Variants in MYL4 observed in about 807,000 individuals in gnomAD.
MYL4 encodes the protein atrial myosin light chain 1.
In MYL4, 16 loss-of-function variants were observed where a neutral mutation model predicts 21.6. That is an observed-to-expected ratio of 0.74 (90% CI 0.50 to 1.12). The LOEUF (loss-of-function observed/expected upper bound fraction) is 1.12, where lower values mean the gene tolerates loss of function less well. MYL4 is among the 50% of genes most tolerant of loss of function. MYL4 has a pLI of 0.00. For synonymous variants in MYL4, 82 were observed against 95.7 expected, an observed-to-expected ratio of 0.86 and a Z score of 0.83; for missense variants, 249 against 252.9, an observed-to-expected ratio of 0.98 and a Z score of 0.11.
upstream of MYL4, among the ~76,000 whole-genome samples, chr17:47,205,156 C>T (rs1302467338): frequency 6.6e-6 from 1 of 152,158 alleles, no homozygotes; most frequent in Non-Finnish European, 1.5e-5. Flanking sequence ...CTGATGTAAA[C>T]CGGTTGGTGC....
At chr17:47,191,355 C>G in the MYL4 span, among the ~76,000 whole-genome samples, 2 of 152,330 alleles carry the variant, frequency 1.3e-5, no homozygotes, top group South Asian at 4.1e-4. Flanking sequence ...AGCTATCACT[C>G]TTAAAATGTG....
chr17:47,207,648 T>C (rs760931730), upstream of MYL4, among the ~76,000 whole-genome samples: 3 of 152,204 alleles, frequency 2.0e-5, no homozygotes, highest in Non-Finnish European at 4.4e-5. Context: ...CTCTCTCAGC[T>C]TTATTCCTCT....
chr17:47,209,710 G>A (rs2149041001), intron 1 of MYL4, 153 bp downstream of exon 1: 2 of 1,140,762 alleles, frequency 1.8e-6, no homozygotes, highest in Non-Finnish European at 1.3e-6. Flanking sequence ...AGTGGAGTGG[G>A]TGTTGGGGCT....
At chr17:47,191,037 G>A in the MYL4 span, among the ~76,000 whole-genome samples, 4 of 152,236 alleles carry the variant, frequency 2.6e-5, no homozygotes, top group South Asian at 8.3e-4. Flanking sequence ...GGCCTCTTAT[G>A]AGTCAGTAGT....
chr17:47,216,897 T>A lies in MYL4; in HGVS notation c.164-3007T>A, dbSNP rs149009248. ...TTTATATAGATGGGGTTTCTCCATGTTGGTCAGGCTGGTCTCAAACTCCCA... is the reference window on the plus strand; with the variant it reads ...TTTATATAGATGGGGTTTCTCCATGATGGTCAGGCTGGTCTCAAACTCCCA... On this transcript the variant is annotated intron_variant, in intron 2 of 6. Transcript: ENST00000393450. Among the ~76,000 whole-genome samples the A allele has an allele frequency of 1.9e-3, 292 of 152,282 alleles. 1 individual carries two copies. Among genetic ancestry groups the A allele is most frequent in the African/African-American group, 5.3e-3 (219 of 41,580 alleles).
chr17:47,204,060 A>T (rs2064718642), upstream of MYL4, among the ~76,000 whole-genome samples: 1 of 152,262 alleles, frequency 6.6e-6, no homozygotes, highest in East Asian at 1.9e-4. Context: ...TTGCCCCCTT[A>T]CCTGTTTTGA....
At chr17:47,191,800 C>G in the MYL4 span, among the ~76,000 whole-genome samples, 1 of 152,210 alleles carries the variant, frequency 6.6e-6, no homozygotes, top group Admixed American at 6.5e-5. Context: ...TCACATGACA[C>G]TGTTTGCTCA....
At chr17:47,216,680 CT>C (rs762099932) in intron 2 of MYL4, among the ~76,000 whole-genome samples, 2 of 149,862 alleles carry the variant, frequency 1.3e-5, no homozygotes, top group Non-Finnish European at 3.0e-5. Context: ...ATCATGACAT[CT>C]TTTTTTTCTT....
At chr17:47,215,883 T>C (rs1455995634) in intron 2 of MYL4, among the ~76,000 whole-genome samples, 1 of 152,164 alleles carries the variant, frequency 6.6e-6, no homozygotes, top group East Asian at 1.9e-4. Context: ...CTTGAATTCC[T>C]GGTTTTAAGC....
downstream of MYL4, among the ~76,000 whole-genome samples, chr17:47,225,830 C>T (rs1018995196): frequency 6.6e-6 from 1 of 150,596 alleles, no homozygotes; most frequent in Non-Finnish European, 1.5e-5. Context: ...GCACTGGGGC[C>T]TCGTCAGGTT....
chr17:47,222,590 C>A, intron 5 of MYL4, 133 bp downstream of exon 5: 1 of 739,518 alleles, frequency 1.4e-6, no homozygotes, highest in Non-Finnish European at 2.3e-6. Context: ...GGATGTTGTT[C>A]TGTTCCATCT....
the MYL4 span, among the ~76,000 whole-genome samples, chr17:47,194,029 C>A: frequency 2.6e-5 from 4 of 152,238 alleles, no homozygotes; most frequent in Admixed American, 1.3e-4. Context: ...GGATTACAGG[C>A]GTAAGCCACC....
intron 6 of MYL4, 148 bp downstream of exon 6, chr17:47,223,205 T>C (rs925372059): frequency 1.6e-5 from 12 of 740,790 alleles, no homozygotes; most frequent in Admixed American, 8.0e-5. Flanking sequence ...CCCTGCTCAC[T>C]CACCATCTCC....
At chr17:47,213,717 C>T in intron 1 of MYL4, 82 bp from the exon 2 acceptor site, 1 of 1,436,394 alleles carries the variant, frequency 7.0e-7, no homozygotes. Flanking sequence ...TTGGAAGCCA[C>T]TTCTGCTTCT....
At chr17:47,212,277 TCTC>T (rs1213846221) in intron 1 of MYL4, among the ~76,000 whole-genome samples, 2 of 152,206 alleles carry the variant, frequency 1.3e-5, no homozygotes, top group Non-Finnish European at 2.9e-5. Context: ...TGTCATTCAC[TCTC>T]CTCTTCTGTA....
At chr17:47,221,015 GC>G (rs2064851723) in intron 3 of MYL4, among the ~76,000 whole-genome samples, 1 of 152,180 alleles carries the variant, frequency 6.6e-6, no homozygotes, top group Non-Finnish European at 1.5e-5. Flanking sequence ...CTAGGGGCTT[GC>G]ATCTCAGAAG....
intron 1 of MYL4, among the ~76,000 whole-genome samples, chr17:47,202,111 G>T (rs965337828): frequency 4.6e-5 from 7 of 151,882 alleles, no homozygotes; most frequent in African/African-American, 1.7e-4. Context: ...TCAGCCTCCC[G>T]AGTAGCTGGG....
intron 2 of MYL4, among the ~76,000 whole-genome samples, chr17:47,216,528 C>G (rs1339687683): frequency 6.6e-6 from 1 of 151,902 alleles, no homozygotes; most frequent in Non-Finnish European, 1.5e-5. Context: ...ATAATAATAC[C>G]TATAGCATAT....
downstream of MYL4, among the ~76,000 whole-genome samples, chr17:47,226,841 G>A (rs1241389918): frequency 1.3e-5 from 2 of 152,160 alleles, no homozygotes; most frequent in African/African-American, 4.8e-5. Context: ...AGTTCAGGAA[G>A]CATTTTATTT....
Sources: gnomAD v4.1 joint callset for allele counts (sites outside exome capture counted in the v4.1 genomes callset) on GRCh38, gnomAD v4.1.1 for gene constraint, MANE v1.5 for transcripts, NCBI Gene and HGNC (gene_info 2026-07-23, HGNC 2026-07-21) for gene names.